PHF11: variants seen among roughly 807,000 people sequenced by gnomAD.
PHF11 encodes the protein PHD finger protein 11.
In PHF11, 38 loss-of-function variants were observed where a neutral mutation model predicts 40.5. The ratio of observed to expected loss-of-function variants is 0.94; its 90% CI spans 0.72 to 1.23. The LOEUF (loss-of-function observed/expected upper bound fraction) is 1.23. Ranked by LOEUF, PHF11 falls within the 50% of genes most tolerant of loss-of-function variation. The pLI is 0.00. For missense variants in PHF11, 369 were observed against 392.4 expected (o/e 0.94, Z 0.50); for synonymous variants, 127 against 138.2 (o/e 0.92, Z 0.57).
At chr13:49,513,196 TG>T in intron 3 of PHF11, 30 bp downstream of exon 3, 3 of 1,032,290 alleles carry the variant, frequency 2.9e-6, no homozygotes, top group Non-Finnish European at 4.6e-6. Flanking sequence ...TTTCTTATAC[TG>T]GATGAACAGA....
In PHF11 at chr13:49,496,043, C is replaced by G. The variant is rs1399831534; in HGVS notation, c.42C>G (p.Gly14=). The part of the protein sequence containing the change: ...ASPPRPERVL[G]ASSPEARPAQ... ...CGCCCCGGCCCGAGAGGGTGCTCGG[C>G]GCCAGCAGCCCGGAGGCCCGGCCCG... Residue 14 remains glycine, a synonymous_variant, in exon 1 of 10, where the codon GGC becomes GGG. Transcript: ENST00000378319. The G allele has an allele frequency of 6.8e-7, 1 of 1,470,120 alleles. No individual in the cohort carries two copies. Among genetic ancestry groups the G allele is most frequent in the Non-Finnish European group, 9.0e-7 (1 of 1,117,216 alleles). The allele number at this position is 1,470,120 out of a possible 1,614,324, so 91.1% of individuals were successfully genotyped here.
intron 3 of PHF11, among the ~76,000 whole-genome samples, chr13:49,517,791 ACTGT>A (rs1959168569): frequency 6.6e-6 from 1 of 152,158 alleles, no homozygotes; most frequent in South Asian, 2.1e-4. Context: ...TCATTACAAA[ACTGT>A]CTGTCCAAGC....
At chr13:49,525,821 T>G (rs759904718) in intron 8 of PHF11, 1 of 456,334 alleles carries the variant, frequency 2.2e-6, no homozygotes. Context: ...GTAGGGCTGG[T>G]GAGGACACAG....
intron 8 of PHF11, among the ~76,000 whole-genome samples, chr13:49,525,081 C>T (rs772208924): frequency 6.6e-6 from 1 of 152,036 alleles, no homozygotes. Flanking sequence ...GCCAAGTGTC[C>T]TTTTTTAAAT....
chr13:49,510,260 A>G (rs1376209505), intron 2 of PHF11, among the ~76,000 whole-genome samples: 2 of 152,138 alleles, frequency 1.3e-5, no homozygotes, highest in Non-Finnish European at 2.9e-5. Flanking sequence ...CCCTGGGCTC[A>G]AGCAATCCTC....
At chr13:49,501,018 T>TTTTTTTTTTTTTTTTTTG (rs1958898871) in intron 1 of PHF11, among the ~76,000 whole-genome samples, 1 of 42,192 alleles carries the variant, frequency 2.4e-5, no homozygotes, top group African/African-American at 1.7e-4. Context: ...TTTTTTTTGG[T>TTTTTTTTTTTTTTTTTTG]TTTTTTTTTT....
chr13:49,502,207 G>T (rs1214661963), intron 1 of PHF11, among the ~76,000 whole-genome samples: 1 of 152,138 alleles, frequency 6.6e-6, no homozygotes, highest in Admixed American at 6.5e-5. Context: ...AGGCTGAGGT[G>T]AGAGGATCAC....
intron 3 of PHF11, among the ~76,000 whole-genome samples, chr13:49,516,590 T>C (rs1226079737): frequency 1.3e-5 from 2 of 151,230 alleles, no homozygotes; most frequent in Non-Finnish European, 2.9e-5. Flanking sequence ...GTATAGTAGG[T>C]TCTGTCAGTT....
At position 49,526,476 on chromosome 13, in the gene PHF11, C is replaced by T. The variant is rs767842053; in HGVS notation, c.841+18C>T. 3 of 1,325,976 alleles carry T rather than the reference C, an allele frequency of 2.3e-6. No homozygotes were observed. The highest frequency in any genetic ancestry group is 1.2e-5 in the South Asian group (1 of 84,918). 82.1% of individuals were successfully genotyped at this position (1,325,976 alleles called of 1,614,324 possible). ...TCAAGCAGGTATATGAGTTATATAA[C>T]ATCTGAGCAGCATAGTTTTGAGAAA... On this transcript the variant is annotated intron_variant, in intron 9 of 9. Transcript: ENST00000378319.
chr13:49,523,464 T>C (rs1365852452), intron 7 of PHF11: 5 of 533,310 alleles, frequency 9.4e-6, no homozygotes, highest in African/African-American at 5.9e-5. Context: ...TAAGAAAAGA[T>C]AGACTTCTAT....
At chr13:49,502,190 A>G (rs1305690268) in intron 1 of PHF11, among the ~76,000 whole-genome samples, 1 of 152,078 alleles carries the variant, frequency 6.6e-6, no homozygotes, top group Admixed American at 6.5e-5. Context: ...AATCCCAGCT[A>G]CTTTGGAGGC....
chr13:49,518,290 G>A (rs943007384), intron 4 of PHF11, 139 bp downstream of exon 4: 13 of 437,868 alleles, frequency 3.0e-5, no homozygotes, highest in Non-Finnish European at 2.8e-5. Context: ...GGGATGCACA[G>A]GGGTTATGTG....
At chr13:49,524,623 C>T (rs1348018293) in intron 8 of PHF11, among the ~76,000 whole-genome samples, 4 of 152,050 alleles carry the variant, frequency 2.6e-5, no homozygotes, top group Admixed American at 6.5e-5. Flanking sequence ...TTCAGGCACA[C>T]GCCACTACGC....
chr13:49,497,201 T>C (rs1334434095), intron 1 of PHF11: 4 of 1,289,274 alleles, frequency 3.1e-6, no homozygotes, highest in Middle Eastern at 2.1e-4. Context: ...TTCATTGGTA[T>C]ACATATGGAC....
At chr13:49,518,722 G>A (rs1226305274) in intron 4 of PHF11, 1 of 152,252 alleles carries the variant, frequency 6.6e-6, no homozygotes, top group Non-Finnish European at 1.5e-5. Context: ...GCAGAGCTGG[G>A]CTGCAGGACT....
intron 1 of PHF11, 42 bp downstream of exon 1, chr13:49,496,137 G>C (rs1342998180): frequency 9.3e-7 from 1 of 1,079,820 alleles, no homozygotes; most frequent in Non-Finnish European, 1.2e-6. Flanking sequence ...GCGGGGCTGG[G>C]CAGCGACGGG....
At chr13:49,526,608 A>C (rs1959294246) in intron 9 of PHF11, 150 bp downstream of exon 9, 1 of 606,838 alleles carries the variant, frequency 1.6e-6, no homozygotes, top group Non-Finnish European at 2.9e-6. Flanking sequence ...AAACAGTATG[A>C]CCCCGCCCAC....
Position 49,520,941 on chromosome 13 carries a change from G to T in PHF11, c.505+1G>T, listed in dbSNP as rs200240376. 1.4e-5 allele frequency: 22 copies of T among 1,575,206 alleles called. No individual in the cohort carries two copies. Among genetic ancestry groups the T allele is most frequent in the Middle Eastern group, 1.7e-4 (1 of 6,014 alleles). On this transcript the variant is annotated splice_donor_variant, in intron 5 of 9. Transcript: ENST00000378319. LOFTEE classifies it high-confidence loss of function. ...CAATTCCCGATCATCGCTCAAAGTG[G>T]TAAGTTTCTAAAATTTAGCACTGTG...
chr13:49,499,344 G>A (rs553824705), intron 1 of PHF11, among the ~76,000 whole-genome samples: 5 of 152,302 alleles, frequency 3.3e-5, no homozygotes, highest in Admixed American at 2.0e-4. Flanking sequence ...CATTGTGTAC[G>A]CATCATTGTG....
Sources: gnomAD v4.1 joint callset for allele counts (sites outside exome capture counted in the v4.1 genomes callset) on GRCh38, gnomAD v4.1.1 for gene constraint, MANE v1.5 for transcripts, NCBI Gene and HGNC (gene_info 2026-07-23, HGNC 2026-07-21) for gene names.